DDX59: variants seen among roughly 807,000 people sequenced by gnomAD.
DDX59 encodes probable ATP-dependent RNA helicase DDX59.
A neutral mutation model predicts 51.9 loss-of-function variants in DDX59; 30 were observed. The observed-to-expected ratio is 0.58, with a 90% CI of 0.43 to 0.78. The LOEUF (loss-of-function observed/expected upper bound fraction) is 0.78. DDX59 is among the 30% of genes least tolerant of loss of function. The pLI, the probability that DDX59 is intolerant of heterozygous loss-of-function variation, is 0.00. For missense variants in DDX59, 672 were observed against 730.8 expected (o/e 0.92, Z 0.93); for synonymous variants, 255 against 253.3 (o/e 1.01, Z -0.06).
intron 4 of DDX59, 151 bp from the exon 5 acceptor site, chr1:200,650,827 T>C (rs1025561817): frequency 3.0e-5 from 20 of 659,144 alleles, no homozygotes; most frequent in Non-Finnish European, 3.8e-5. Flanking sequence ...AAAATATGTT[T>C]ATACTAAATT....
In DDX59 at chr1:200,665,461, C is replaced by T. The variant is rs142313736; in HGVS notation, c.804+476G>A. Among the ~76,000 whole-genome samples, 1,177 of 142,104 alleles carry T rather than the reference C, an allele frequency of 8.3e-3. 16 individuals carry two copies. Among genetic ancestry groups the T allele is most frequent in the African/African-American group, 0.029 (1,111 of 38,110 alleles). 93.2% of individuals were successfully genotyped at this position (142,104 alleles called of 152,430 possible). ...TTGTGCCATTGCACTCCAGCCTGGG[C>T]GACAAGAGTGAAACTCGGTCCCAAA... On this transcript the variant is annotated intron_variant, in intron 2 of 7. Coordinates refer to ENST00000331314, the MANE Select transcript of DDX59 (RefSeq NM_001031725.6).
intron 5 of DDX59, 140 bp from the exon 6 acceptor site, chr1:200,649,366 C>G: frequency 1.3e-6 from 1 of 784,204 alleles, no homozygotes; most frequent in Non-Finnish European, 1.9e-6. Context: ...CGGTGGCTCA[C>G]ACCTGTAATC....
chr1:200,668,286 C>G (rs950419430), intron 1 of DDX59, among the ~76,000 whole-genome samples: 1 of 146,248 alleles, frequency 6.8e-6, no homozygotes, highest in South Asian at 2.2e-4. Context: ...CCAGCCTGGG[C>G]AACAGAGCAA....
downstream of DDX59, among the ~76,000 whole-genome samples, chr1:200,641,593 G>C (rs1257217522): frequency 1.3e-5 from 2 of 152,200 alleles, no homozygotes; most frequent in Non-Finnish European, 2.9e-5. Flanking sequence ...ATTAGGCTGG[G>C]TGTGGTGGCT....
chr1:200,643,418 C>T (rs562280680), downstream of DDX59, among the ~76,000 whole-genome samples: 1 of 151,902 alleles, frequency 6.6e-6, no homozygotes, highest in African/African-American at 2.4e-5. Flanking sequence ...CCGAGGCAGG[C>T]GGATCACAAA....
At chr1:200,643,325 T>C (rs1459319409), downstream of DDX59, among the ~76,000 whole-genome samples, 1 of 151,772 alleles carries the variant, frequency 6.6e-6, no homozygotes, top group East Asian at 1.9e-4. Context: ...GTAAATGCTG[T>C]TTTTCTGGCC....
At chr1:200,652,811 G>A (rs1005165729) in intron 4 of DDX59, among the ~76,000 whole-genome samples, 1 of 144,468 alleles carries the variant, frequency 6.9e-6, no homozygotes, top group East Asian at 1.9e-4. Context: ...TGGGACCACA[G>A]GTGTGACCAC....
chr1:200,650,763 A>T, intron 4 of DDX59, 87 bp from the exon 5 acceptor site: 1 of 1,204,638 alleles, frequency 8.3e-7, no homozygotes, highest in Non-Finnish European at 1.1e-6. Context: ...TTAACAATAT[A>T]AAAATTAAAA....
At position 200,665,243 on chromosome 1, in the gene DDX59, G is replaced by A. The variant is rs147976325; in HGVS notation, c.804+694C>T. Among the ~76,000 whole-genome samples the A allele has an allele frequency of 8.6e-3, 1,310 of 152,226 alleles. 20 individuals are homozygous for A. Among genetic ancestry groups the A allele is most frequent in the African/African-American group, 0.03 (1,227 of 41,532 alleles). ...AGCTGAGGCGGTTGGATTACCTAAG[G>A]TCAGGAGTTCGAGACCAGCCTGACC... On this transcript the variant is annotated intron_variant, in intron 2 of 7. Transcript: ENST00000331314.
In DDX59 at chr1:200,662,628, C is replaced by T. The variant is rs186842919; in HGVS notation, c.972+1291G>A. Among the ~76,000 whole-genome samples the T allele has an allele frequency of 5.5e-4, 84 of 152,248 alleles. 1 individual carries two copies. The highest frequency in any genetic ancestry group is 1.9e-3 in the African/African-American group (79 of 41,536). On this transcript the variant is annotated intron_variant, in intron 3 of 7. Coordinates refer to ENST00000331314, the MANE Select transcript of DDX59 (RefSeq NM_001031725.6). ...CAGAGGTTGCACCACTGCACTCCAG[C>T]CTGGGCAACTAGAGACTAACACCAA... is the stretch of plus-strand genomic sequence containing the variant.
At chr1:200,661,626 G>C (rs142442767) in intron 3 of DDX59, among the ~76,000 whole-genome samples, 4 of 152,318 alleles carry the variant, frequency 2.6e-5, no homozygotes, top group Non-Finnish European at 5.9e-5. Context: ...AAAGATGGAA[G>C]AGCTGTTTCA....
In DDX59 at chr1:200,648,951, T is replaced by A. The variant is rs1019605576; in HGVS notation, c.1467+123A>T. The A allele has an allele frequency of 9.9e-6, 10 of 1,012,738 alleles. No individual in the cohort carries two copies. The South Asian group carries it at 2.2e-4, about 22-fold the overall frequency. The allele number at this position is 1,012,738 out of a possible 1,614,324, so 62.7% of individuals were successfully genotyped here. ...CATTAACTTCATGGTAACCGCTTGT[T>A]TGATGGTCTTGTAGTCATTAAAAGA... On this transcript the variant is annotated intron_variant, in intron 6 of 7. Transcript: ENST00000331314.
At chr1:200,642,098 A>C (rs1661065895), downstream of DDX59, among the ~76,000 whole-genome samples, 1 of 152,228 alleles carries the variant, frequency 6.6e-6, no homozygotes, top group African/African-American at 2.4e-5. Flanking sequence ...GTGGCACTGA[A>C]TATTCTAGAA....
At chr1:200,655,435 C>T (rs1462639647) in intron 4 of DDX59, among the ~76,000 whole-genome samples, 1 of 152,182 alleles carries the variant, frequency 6.6e-6, no homozygotes, top group Non-Finnish European at 1.5e-5. Context: ...AGCAGGGTAA[C>T]CTCTTAAACC....
intron 4 of DDX59, among the ~76,000 whole-genome samples, chr1:200,656,058 G>T (rs1440833863): frequency 6.6e-6 from 1 of 152,198 alleles, no homozygotes; most frequent in Admixed American, 6.5e-5. Flanking sequence ...TTGCACTCCT[G>T]ACCTCAGGTG....
chr1:200,666,226 G>C lies in DDX59; in HGVS notation c.515C>G (p.Pro172Arg), dbSNP rs1662729896. 2.5e-6 allele frequency: 4 copies of C among 1,614,170 alleles called. No homozygotes were observed. Among genetic ancestry groups the C allele is most frequent in the African/African-American group, 1.3e-5 (1 of 75,040 alleles). ...LNASYVYKEH[P>R]FILNLQEDQI... Reference sequence around the variant, plus strand: ...GTCTTCCTGAAGGTTCAAAATAAAGGGGTGCTCTTTGTAGACATAGGAAGC... The same window carrying C: ...GTCTTCCTGAAGGTTCAAAATAAAGCGGTGCTCTTTGTAGACATAGGAAGC... The change falls in exon 2 of 8, where the codon CCC becomes CGC. Residue 172 changes from proline to arginine, a missense_variant. Pro to Arg is a moderately radical substitution (Grantham distance 103, BLOSUM62 -2). Transcript: ENST00000331314.
At chr1:200,647,562 G>C (rs533611969) in intron 7 of DDX59, among the ~76,000 whole-genome samples, 6 of 149,430 alleles carry the variant, frequency 4.0e-5, no homozygotes, top group African/African-American at 1.5e-4. Flanking sequence ...TAACATTTTT[G>C]GTTACTTCTA....
At chr1:200,659,190 A>T in intron 3 of DDX59, 74 bp from the exon 4 acceptor site, 1 of 1,140,224 alleles carries the variant, frequency 8.8e-7, no homozygotes, top group East Asian at 2.4e-5. Flanking sequence ...ATATTGATTG[A>T]GCAACTAATA....
intron 1 of DDX59, among the ~76,000 whole-genome samples, chr1:200,669,210 G>A (rs565763044): frequency 6.6e-6 from 1 of 151,888 alleles, no homozygotes; most frequent in East Asian, 1.9e-4. Context: ...CCTAATCTGG[G>A]GACTATCAAA....
Sources: gnomAD v4.1 joint callset for allele counts (sites outside exome capture counted in the v4.1 genomes callset) on GRCh38, gnomAD v4.1.1 for gene constraint, MANE v1.5 for transcripts, NCBI Gene and HGNC (gene_info 2026-07-23, HGNC 2026-07-21) for gene names.